The following LUZP2 variants were observed in gnomAD, a reference collection of about 807,000 sequenced individuals.
LUZP2 encodes the protein leucine zipper protein 2.
LUZP2 carries 52 observed loss-of-function variants against 51.6 expected under a neutral mutation model. The ratio of observed to expected loss-of-function variants is 1.01; its 90% CI spans 0.81 to 1.27. The LOEUF (loss-of-function observed/expected upper bound fraction) is 1.27. LUZP2 is among the 50% of genes most tolerant of loss of function. The pLI is 0.00. For missense variants in LUZP2, 436 were observed against 395.4 expected (o/e 1.10, Z -0.87); for synonymous variants, 154 against 137.3 (o/e 1.12, Z -0.85).
intron 1 of LUZP2, among the ~76,000 whole-genome samples, chr11:24,589,162 T>A (rs1853175024): frequency 6.6e-6 from 1 of 152,252 alleles, no homozygotes; most frequent in East Asian, 1.9e-4. Context: ...TTCTCTAGCT[T>A]TCTAATCATT....
chr11:25,057,749 G>A (rs1011227000), intron 10 of LUZP2, among the ~76,000 whole-genome samples: 3 of 151,804 alleles, frequency 2.0e-5, no homozygotes, highest in East Asian at 1.9e-4. Context: ...GTTTAGCACC[G>A]GGAGCACTAG....
At chr11:24,729,713 C>A (rs2133967830) in intron 2 of LUZP2, among the ~76,000 whole-genome samples, 1 of 152,014 alleles carries the variant, frequency 6.6e-6, no homozygotes, top group East Asian at 1.9e-4. Flanking sequence ...CAAGTGGCAT[C>A]TGTAAAAAAC....
At chr11:24,754,982 C>G (rs1398615051) in intron 4 of LUZP2, among the ~76,000 whole-genome samples, 1 of 152,040 alleles carries the variant, frequency 6.6e-6, no homozygotes, top group African/African-American at 2.4e-5. Context: ...CCCGTCTCTA[C>G]TAAAAATACA....
At chr11:24,774,332 T>TTCTCTCTCTCTCTCTCTCTCTC (rs374302170) in intron 5 of LUZP2, among the ~76,000 whole-genome samples, 20 of 41,908 alleles carry the variant, frequency 4.8e-4, no homozygotes, top group South Asian at 1.2e-3. Context: ...CTTAGTAAAC[T>TTCTCTCTCTCTCTCTCTCTCTC]TCTCTCTCTC....
chr11:24,651,133 C>G (rs986783475), intron 1 of LUZP2, among the ~76,000 whole-genome samples: 7 of 151,954 alleles, frequency 4.6e-5, no homozygotes, highest in African/African-American at 9.7e-5. Context: ...GTGGATTTTG[C>G]TTCATTTATT....
At chr11:24,975,236 G>T (rs1251213985) in intron 7 of LUZP2, among the ~76,000 whole-genome samples, 1 of 151,848 alleles carries the variant, frequency 6.6e-6, no homozygotes, top group Non-Finnish European at 1.5e-5. Context: ...AATGGTTTTT[G>T]ATTTATATTA....
intron 1 of LUZP2, among the ~76,000 whole-genome samples, chr11:24,505,801 C>A (rs1850129965): frequency 6.6e-6 from 1 of 151,894 alleles, no homozygotes; most frequent in African/African-American, 2.4e-5. Flanking sequence ...CTAATTTAAA[C>A]AACTATAAGG....
At chr11:24,878,378 A>G (rs1007108364) in intron 5 of LUZP2, among the ~76,000 whole-genome samples, 1 of 151,994 alleles carries the variant, frequency 6.6e-6, no homozygotes, top group African/African-American at 2.4e-5. Flanking sequence ...ACTCTCTCCT[A>G]TCCTGTAAGG....
At chr11:24,805,855 C>T (rs1244835180) in intron 5 of LUZP2, among the ~76,000 whole-genome samples, 1 of 152,152 alleles carries the variant, frequency 6.6e-6, no homozygotes, top group Non-Finnish European at 1.5e-5. Context: ...GTAGGTTAAT[C>T]ATCCTACAGA....
chr11:24,621,317 C>A (rs1439376958), intron 1 of LUZP2, among the ~76,000 whole-genome samples: 4 of 152,242 alleles, frequency 2.6e-5, no homozygotes, highest in African/African-American at 9.6e-5. Flanking sequence ...CATACCAATA[C>A]TGCGTGTAGT....
chr11:24,653,930 A>T (rs1449307559), intron 1 of LUZP2, among the ~76,000 whole-genome samples: 2 of 152,234 alleles, frequency 1.3e-5, no homozygotes, highest in Admixed American at 6.5e-5. Flanking sequence ...CAGTGTGGAT[A>T]AAAGTGCAAA....
chr11:25,024,667 C>T (rs1489347703), intron 9 of LUZP2, among the ~76,000 whole-genome samples: 1 of 152,112 alleles, frequency 6.6e-6, no homozygotes, highest in East Asian at 1.9e-4. Context: ...AATGGAAGAA[C>T]ATTCCATGCT....
intron 1 of LUZP2, among the ~76,000 whole-genome samples, chr11:24,682,584 ATATGTG>A (rs1565074581): frequency 3.4e-4 from 49 of 145,190 alleles, no homozygotes; most frequent in East Asian, 6.2e-4. Flanking sequence ...TTATATATAT[ATATGTG>A]TGTGTGTGTA....
At chr11:24,659,853 A>G (rs1480718511) in intron 1 of LUZP2, among the ~76,000 whole-genome samples, 1 of 152,188 alleles carries the variant, frequency 6.6e-6, no homozygotes, top group Non-Finnish European at 1.5e-5. Context: ...CTCCTTGAAT[A>G]TGAGCAGAAT....
In LUZP2 at chr11:25,064,913, A is replaced by G. The variant is rs147451462; in HGVS notation, c.859-12416A>G. On this transcript the variant is annotated intron_variant, in intron 10 of 11. Coordinates refer to ENST00000336930, the MANE Select transcript of LUZP2 (RefSeq NM_001009909.4). ...TTCTAATGTTCATCTGAAAGATAAA[A>G]ATCTCAAAATCTCTAGATATTGAGG... 5.3e-5 allele frequency among the ~76,000 whole-genome samples: 8 copies of G among 152,190 alleles called. No homozygotes were observed. The East Asian group carries it at 1.4e-3, about 26-fold the overall frequency.
intron 1 of LUZP2, among the ~76,000 whole-genome samples, chr11:24,536,817 G>A (rs549849616): frequency 6.6e-6 from 1 of 151,916 alleles, no homozygotes; most frequent in Admixed American, 6.6e-5. Context: ...AGTCTAACTA[G>A]GCTTTTGACA....
intron 1 of LUZP2, among the ~76,000 whole-genome samples, chr11:24,673,682 T>C (rs1458558621): frequency 1.3e-5 from 2 of 152,196 alleles, no homozygotes; most frequent in Non-Finnish European, 2.9e-5. Context: ...AGTGCATTGT[T>C]GGATGTTTAA....
At chr11:24,743,563 C>A (rs1263036513) in intron 4 of LUZP2, among the ~76,000 whole-genome samples, 1 of 152,002 alleles carries the variant, frequency 6.6e-6, no homozygotes, top group Non-Finnish European at 1.5e-5. Context: ...TTACTGAATT[C>A]TTTTATCAGT....
chr11:25,063,243 T>C (rs2134043322), intron 10 of LUZP2, among the ~76,000 whole-genome samples: 1 of 151,878 alleles, frequency 6.6e-6, no homozygotes, highest in Admixed American at 6.6e-5. Context: ...TGGGAGAGCA[T>C]GTGTAGATTA....
Sources: gnomAD v4.1 joint callset for allele counts (sites outside exome capture counted in the v4.1 genomes callset) on GRCh38, gnomAD v4.1.1 for gene constraint, MANE v1.5 for transcripts, NCBI Gene and HGNC (gene_info 2026-07-23, HGNC 2026-07-21) for gene names.